Variants in PRKN observed in about 807,000 individuals in gnomAD.
PRKN encodes the protein E3 ubiquitin-protein ligase parkin.
Under a neutral mutation model 59.5 loss-of-function variants are expected in PRKN, and 56 were observed. The observed-to-expected ratio is 0.94, with a 90% CI of 0.76 to 1.18. The LOEUF (loss-of-function observed/expected upper bound fraction) is 1.18. Ranked by LOEUF, PRKN falls within the 50% of genes most tolerant of loss-of-function variation. PRKN has a pLI of 0.00. For missense variants in PRKN, 657 were observed against 596.4 expected (o/e 1.10, Z -1.06); for synonymous variants, 250 against 222.1 (o/e 1.13, Z -1.12).
rs1259148906 is a variant in PRKN at position 161,428,802 on chromosome 6, T to C, written c.1084-41925A>G. ...CATATATGGGCAAGCATTCATGTAT[T>C]TCAAGTCATGTTTTTGCAGGCAGAT... On this transcript the variant is annotated intron_variant, in intron 9 of 11. Coordinates refer to ENST00000366898, the MANE Select transcript of PRKN (RefSeq NM_004562.3). This position sits in a 1 kb window ranked among gnomAD's most constrained non-coding sequence, Gnocchi z 4.0. 6.6e-6 allele frequency among the ~76,000 whole-genome samples: 1 copy of C among 152,206 alleles called. No homozygotes were observed.
At chr6:162,113,104 T>C (rs1780511812) in intron 4 of PRKN, among the ~76,000 whole-genome samples, 2 of 152,196 alleles carry the variant, frequency 1.3e-5, no homozygotes, top group South Asian at 4.1e-4. Flanking sequence ...GGACAAATGA[T>C]CTGACATCCT....
chr6:162,434,092 T>C (rs980102165), intron 2 of PRKN, among the ~76,000 whole-genome samples: 1 of 152,144 alleles, frequency 6.6e-6, no homozygotes, highest in Non-Finnish European at 1.5e-5. Flanking sequence ...AATAAAATCT[T>C]CAATCCAATG....
At chr6:162,216,553 A>AAAAC (rs1562588003) in intron 3 of PRKN, among the ~76,000 whole-genome samples, 1 of 150,700 alleles carries the variant, frequency 6.6e-6, no homozygotes, top group African/African-American at 2.4e-5. Flanking sequence ...AAAAAAAAAA[A>AAAAC]AAAAAAAAAA....
chr6:162,650,885 T>C (rs1345327867), intron 1 of PRKN, among the ~76,000 whole-genome samples: 1 of 152,178 alleles, frequency 6.6e-6, no homozygotes, highest in African/African-American at 2.4e-5. Context: ...AAGGACAGCA[T>C]GGGTGTGACA....
chr6:161,850,953 C>T (rs191816862), intron 6 of PRKN, among the ~76,000 whole-genome samples: 2 of 152,270 alleles, frequency 1.3e-5, no homozygotes, highest in East Asian at 3.9e-4. Flanking sequence ...GAGTTTATGC[C>T]TTGGATTGTC....
At chr6:162,231,552 G>C (rs2128086094) in intron 3 of PRKN, among the ~76,000 whole-genome samples, 1 of 152,168 alleles carries the variant, frequency 6.6e-6, no homozygotes, top group East Asian at 1.9e-4. Flanking sequence ...TGGAAAGACA[G>C]AGCAGACAGT....
At chr6:161,619,085 C>G (rs983775955) in intron 7 of PRKN, among the ~76,000 whole-genome samples, 1 of 151,998 alleles carries the variant, frequency 6.6e-6, no homozygotes, top group Non-Finnish European at 1.5e-5. Context: ...GTTCTGAATC[C>G]GCCGGGTCTG....
chr6:161,750,633 G>A (rs1788650127), intron 7 of PRKN, among the ~76,000 whole-genome samples: 1 of 151,840 alleles, frequency 6.6e-6, no homozygotes, highest in African/African-American at 2.4e-5. Context: ...CAGGCATGGT[G>A]GCACATGCCT....
chr6:162,289,155 GT>G (rs71709377), intron 2 of PRKN, among the ~76,000 whole-genome samples: 10,695 of 152,214 alleles, frequency 0.07, 1,065 homozygotes, highest in East Asian at 0.5. Context: ...GGCAGGGCTG[GT>G]TCCTTCTGAG....
intron 2 of PRKN, among the ~76,000 whole-genome samples, chr6:162,299,491 T>C (rs1781843196): frequency 1.3e-5 from 2 of 152,190 alleles, no homozygotes; most frequent in African/African-American, 2.4e-5. Context: ...TTCAGTGGCT[T>C]CAGTGAATAA....
chr6:161,472,811 C>T (rs561207469), intron 9 of PRKN, among the ~76,000 whole-genome samples: 1 of 151,968 alleles, frequency 6.6e-6, no homozygotes, highest in Admixed American at 6.6e-5. Context: ...AGCAAAAAAC[C>T]CCAAATAACC....
intron 9 of PRKN, among the ~76,000 whole-genome samples, chr6:161,433,595 A>T (rs763810110): frequency 4.6e-5 from 7 of 152,198 alleles, no homozygotes; most frequent in Non-Finnish European, 7.3e-5. Flanking sequence ...ATGAGGCCCG[A>T]TATAAACTCC....
intron 7 of PRKN, among the ~76,000 whole-genome samples, chr6:161,740,678 C>G (rs185078033): frequency 7.4e-4 from 113 of 152,364 alleles, no homozygotes; most frequent in African/African-American, 2.5e-3. Context: ...GGGCAGGCAG[C>G]TTTGCCATAG....
chr6:161,697,801 T>A, intron 7 of PRKN, among the ~76,000 whole-genome samples: 1 of 152,170 alleles, frequency 6.6e-6, no homozygotes, highest in South Asian at 2.1e-4. Context: ...TTACTGAAAA[T>A]CAATCCCTGG....
intron 7 of PRKN, among the ~76,000 whole-genome samples, chr6:161,608,337 T>C (rs948009876): frequency 6.6e-6 from 1 of 152,116 alleles, no homozygotes; most frequent in Non-Finnish European, 1.5e-5. Flanking sequence ...AATAAAATAG[T>C]TGTATAAGAA....
chr6:162,057,061 G>T (rs139127738), intron 4 of PRKN, among the ~76,000 whole-genome samples: 123 of 152,182 alleles, frequency 8.1e-4, no homozygotes, highest in African/African-American at 2.9e-3. Flanking sequence ...TGAATCTGGA[G>T]GGGGGAGGTG....
intron 1 of PRKN, among the ~76,000 whole-genome samples, chr6:162,568,093 C>T (rs941393383): frequency 6.6e-6 from 1 of 152,114 alleles, no homozygotes; most frequent in African/African-American, 2.4e-5. Flanking sequence ...TTCTATCTCT[C>T]ACCATATATA....
At chr6:162,356,943 T>TTA (rs999288371) in intron 2 of PRKN, among the ~76,000 whole-genome samples, 5 of 151,994 alleles carry the variant, frequency 3.3e-5, no homozygotes, top group Non-Finnish European at 7.4e-5. Flanking sequence ...GAATAAATCA[T>TTA]TACAGTTTAC....
At chr6:161,669,752 T>C (rs1449753718) in intron 7 of PRKN, among the ~76,000 whole-genome samples, 1 of 152,266 alleles carries the variant, frequency 6.6e-6, no homozygotes, top group African/African-American at 2.4e-5. Context: ...TGTGGGATGA[T>C]CACTGTTTCT....
Sources: allele counts gnomAD v4.1 joint callset (sites outside exome capture counted in the v4.1 genomes callset), GRCh38; gene constraint gnomAD v4.1.1; non-coding constraint Gnocchi (gnomAD v3.1); transcripts MANE v1.5; gene names NCBI Gene and HGNC (gene_info 2026-07-23, HGNC 2026-07-21).